Variants in BAIAP2 observed in about 807,000 individuals in gnomAD.
BAIAP2 encodes the protein BAR/IMD domain-containing adapter protein 2.
In BAIAP2, 18 loss-of-function variants were observed where a neutral mutation model predicts 63.0. The ratio of observed to expected loss-of-function variants is 0.29; its 90% CI spans 0.20 to 0.42. The LOEUF (loss-of-function observed/expected upper bound fraction) is 0.42. BAIAP2 is among the 10% of genes least tolerant of loss of function. The pLI, the probability that BAIAP2 is intolerant of heterozygous loss-of-function variation, is 1.00. For missense variants in BAIAP2, 610 were observed against 734.3 expected (o/e 0.83, Z 1.96); for synonymous variants, 386 against 307.6 (o/e 1.25, Z -2.67).
At chr17:81,098,693 G>T (rs1416178089) in intron 6 of BAIAP2, among the ~76,000 whole-genome samples, 1 of 152,200 alleles carries the variant, frequency 6.6e-6, no homozygotes, top group East Asian at 1.9e-4. Flanking sequence ...AGCAGCTTCT[G>T]TCGTCTTTGC....
At chr17:81,053,811 C>T (rs2049044935) in intron 2 of BAIAP2, 68 bp downstream of exon 2, 4 of 1,553,514 alleles carry the variant, frequency 2.6e-6, no homozygotes, top group Admixed American at 1.7e-5. Flanking sequence ...CGCCCGGGCC[C>T]CGTGGGGTGG....
chr17:81,076,970 C>G (rs1598657367), intron 3 of BAIAP2, among the ~76,000 whole-genome samples: 1 of 152,068 alleles, frequency 6.6e-6, no homozygotes, highest in Non-Finnish European at 1.5e-5. Context: ...ACCCCTGGCT[C>G]TAAAAAGACA....
chr17:81,080,034 C>T (rs1229959869), intron 3 of BAIAP2, among the ~76,000 whole-genome samples: 1 of 152,220 alleles, frequency 6.6e-6, no homozygotes, highest in Non-Finnish European at 1.5e-5. Flanking sequence ...GCTACTCCGT[C>T]TTCAGGCCCC....
chr17:81,084,478 C>T (rs8066330), intron 3 of BAIAP2, among the ~76,000 whole-genome samples: 34,157 of 152,028 alleles, frequency 0.22, 4,281 homozygotes, highest in East Asian at 0.49. Context: ...TCTCTGCGAA[C>T]GACAGCCGGA....
At chr17:81,081,620 C>T (rs995388347) in intron 3 of BAIAP2, among the ~76,000 whole-genome samples, 3 of 152,206 alleles carry the variant, frequency 2.0e-5, no homozygotes, top group African/African-American at 4.8e-5. Flanking sequence ...TCCTCTTTGT[C>T]CTTGATCCCT....
intron 6 of BAIAP2, among the ~76,000 whole-genome samples, chr17:81,091,570 C>A (rs113421601): frequency 2.6e-5 from 4 of 152,302 alleles, no homozygotes; most frequent in African/African-American, 9.6e-5. Context: ...GCGACCATAG[C>A]AGTTGTCCCC....
chr17:81,065,798 G>C (rs2051356142), intron 3 of BAIAP2, among the ~76,000 whole-genome samples: 1 of 152,250 alleles, frequency 6.6e-6, no homozygotes, highest in Non-Finnish European at 1.5e-5. Context: ...GGTGGCTCTA[G>C]CACTGTGTGC....
At chr17:81,038,011 G>A (rs1285108503) in intron 1 of BAIAP2, among the ~76,000 whole-genome samples, 1 of 152,248 alleles carries the variant, frequency 6.6e-6, no homozygotes, top group Non-Finnish European at 1.5e-5. Context: ...ACGGCTTCCC[G>A]GTGTTTGCCG....
In BAIAP2 at chr17:81,045,732, G is replaced by A. The variant is rs149379139; in HGVS notation, c.55-7936G>A. ...CTGCAGGAGTCCCTGGTATGCGTGG[G>A]ACCTGGGTGTCTCCCTTCGGTCTTC... On this transcript the variant is annotated intron_variant, in intron 1 of 13. Coordinates refer to ENST00000428708, the MANE Select transcript of BAIAP2 (RefSeq NM_001144888.2). Among the ~76,000 whole-genome samples, 46 of 152,296 alleles carry A rather than the reference G, an allele frequency of 3.0e-4. No individual in the cohort carries two copies. In the East Asian group the frequency reaches 8.9e-3, roughly 29 times the overall value.
Position 81,103,994 on chromosome 17 carries a change from G to A in BAIAP2, c.952G>A (p.Ala318Thr). Residue 318 changes from alanine to threonine, a missense_variant, in exon 9 of 14, where the codon GCT (alanine) becomes ACT (threonine). Physicochemically the swap from Ala to Thr is moderately conservative, Grantham distance 58. This residue lies in a region of BAIAP2 where 389 missense variants were observed against 455.6 expected (regional missense o/e 0.85). Transcript: ENST00000428708. Reference sequence around the variant, plus strand: ...CTACAGCCCGTGGGCTGACCGCAAGGCTGCCCAGCCCAAATCCCTGTCTCC... The same window carrying A: ...CTACAGCCCGTGGGCTGACCGCAAGACTGCCCAGCCCAAATCCCTGTCTCC... The part of the protein sequence containing the change: ...EDYSPWADRK[A>T]AQPKSLSPPQ... 1 of 1,613,150 alleles carries A rather than the reference G, an allele frequency of 6.2e-7. No homozygotes were observed. The highest frequency in any genetic ancestry group is 8.5e-7 in the Non-Finnish European group (1 of 1,180,024).
chr17:81,106,725 C>G lies in BAIAP2; in HGVS notation c.1338-20C>G, dbSNP rs2145994657. The G allele has an allele frequency of 6.2e-7, 1 of 1,612,320 alleles. No homozygotes were observed. The highest frequency in any genetic ancestry group is 1.1e-5 in the South Asian group (1 of 91,068). ...GGGCATCCGGCCTGCTGGGCCGCCT[C>G]TGAGTCCCTGTCCCTACAGCCTGCA... On this transcript the variant is annotated intron_variant, in intron 11 of 13. Coordinates refer to ENST00000428708, the MANE Select transcript of BAIAP2 (RefSeq NM_001144888.2).
chr17:81,058,930 G>A (rs942731504), intron 3 of BAIAP2, among the ~76,000 whole-genome samples: 1 of 152,160 alleles, frequency 6.6e-6, no homozygotes, highest in African/African-American at 2.4e-5. Context: ...CTGGGGGGTC[G>A]TGGGTTGCTC....
At chr17:81,036,718 GC>G (rs2046321068) in intron 1 of BAIAP2, 2 of 697,462 alleles carry the variant, frequency 2.9e-6, no homozygotes, top group South Asian at 3.7e-5. Context: ...AAAGGCACAG[GC>G]CCTGGGGTTG....
chr17:81,081,411 G>C (rs2054583037), intron 3 of BAIAP2, among the ~76,000 whole-genome samples: 1 of 152,184 alleles, frequency 6.6e-6, no homozygotes, highest in Non-Finnish European at 1.5e-5. Context: ...TGTCCTGCCA[G>C]GCTGGCAGCA....
intron 13 of BAIAP2, among the ~76,000 whole-genome samples, chr17:81,115,537 G>C (rs932191344): frequency 2.6e-5 from 4 of 152,174 alleles, no homozygotes; most frequent in African/African-American, 9.7e-5. Context: ...CGGGGTGGGG[G>C]CACCCTGCCT....
intron 13 of BAIAP2, chr17:81,109,972 C>T (rs2059707368): frequency 1.0e-6 from 1 of 985,456 alleles, no homozygotes; most frequent in Non-Finnish European, 1.2e-6. Flanking sequence ...GCGGTTCCTG[C>T]CCGGTTCTTC....
chr17:81,090,980 C>CT (rs1271801783), intron 6 of BAIAP2, among the ~76,000 whole-genome samples: 1 of 152,146 alleles, frequency 6.6e-6, no homozygotes, highest in African/African-American at 2.4e-5. Flanking sequence ...GCACCCTGGG[C>CT]TGGGGAACTG....
intron 3 of BAIAP2, among the ~76,000 whole-genome samples, chr17:81,060,996 C>G (rs575482620): frequency 6.6e-6 from 1 of 152,134 alleles, no homozygotes; most frequent in Non-Finnish European, 1.5e-5. Flanking sequence ...TGGTGGCATG[C>G]GCCTGTAATC....
chr17:81,098,979 TCCCCCCATCC>T (rs2058096607), intron 6 of BAIAP2, among the ~76,000 whole-genome samples: 1 of 13,116 alleles, frequency 7.6e-5, no homozygotes, highest in South Asian at 3.1e-3. Context: ...CATCCCCCCA[TCCCCCCATCC>T]CCCCATCCCC....
Sources: allele counts gnomAD v4.1 joint callset (sites outside exome capture counted in the v4.1 genomes callset), GRCh38; gene constraint gnomAD v4.1.1; regional missense constraint gnomAD v4.1.1; transcripts MANE v1.5; gene names NCBI Gene and HGNC (gene_info 2026-07-23, HGNC 2026-07-21).